KIF17: variants seen among roughly 807,000 people sequenced by gnomAD.
The protein encoded by KIF17 is kinesin family member 17.
Under a neutral mutation model 96.8 loss-of-function variants are expected in KIF17, and 80 were observed. That is an observed-to-expected ratio of 0.83 (90% CI 0.69 to 1.00). KIF17 has a LOEUF of 1.00. Ranked by LOEUF, KIF17 falls within the 50% of genes least tolerant of loss-of-function variation. The probability of loss-of-function intolerance (pLI) is 0.00; values close to 1 mark genes in which losing one functional copy is unlikely to be tolerated. For synonymous variants in KIF17, 567 were observed against 587.5 expected (o/e 0.97, Z 0.51); for missense variants, 1,280 against 1,372.9 (o/e 0.93, Z 1.07).
At chr1:20,669,959 T>C (rs1215242761) in intron 13 of KIF17, among the ~76,000 whole-genome samples, 1 of 85,216 alleles carries the variant, frequency 1.2e-5, no homozygotes, top group Non-Finnish European at 2.3e-5. Context: ...CTATAAAATA[T>C]AGGAGATAGG....
rs1437838319 is a variant in KIF17, at chr1:20,687,777, C to T, written c.1549G>A (p.Val517Ile). ...GGCAGCTCCGCAAACCTGGAGGAAA[C>T]CTGAGTCTTGGAGACATCGTCACTG... is the stretch of plus-strand genomic sequence containing the variant. ...LPSDDVSKTQ[V>I]SSRFAELPKV... Residue 517 changes from valine (V) to isoleucine (I), a missense_variant, in exon 8 of 15, where the codon GTT (valine) becomes ATT (isoleucine). Coordinates refer to ENST00000400463, the MANE Select transcript of KIF17 (RefSeq NM_001122819.3). The surrounding 1 kb of genome is among the most constrained non-coding windows in gnomAD (Gnocchi z 4.4). 3 of 1,614,208 alleles carry T rather than the reference C, an allele frequency of 1.9e-6. No homozygotes were observed. Among genetic ancestry groups the T allele is most frequent in the Non-Finnish European group, 2.5e-6 (3 of 1,180,042 alleles).
intron 1 of KIF17, among the ~76,000 whole-genome samples, chr1:20,715,934 A>G (rs996188193): frequency 3.9e-5 from 6 of 152,236 alleles, no homozygotes; most frequent in African/African-American, 1.4e-4. Flanking sequence ...TTACTGAGGC[A>G]AATTGATAAG....
intron 11 of KIF17, among the ~76,000 whole-genome samples, chr1:20,681,930 C>G (rs1324412075): frequency 2.0e-5 from 3 of 152,192 alleles, no homozygotes; most frequent in Non-Finnish European, 4.4e-5. Flanking sequence ...TTGTGGAAAG[C>G]ACTTCGTAGA....
rs569615073 is a variant in KIF17 at position 20,699,392 on chromosome 1, C to T, written c.1124-904G>A. Among the ~76,000 whole-genome samples, 7 of 151,008 alleles carry T rather than the reference C, an allele frequency of 4.6e-5. No homozygotes were observed. In the South Asian group the frequency reaches 1.0e-3, roughly 22 times the overall value. ...GCCAACAGCCAACATAGTAAAACCC[C>T]GTCTCTACCAAAAAAATACAAAAAT... On this transcript the variant is annotated intron_variant, in intron 5 of 14. Transcript: ENST00000400463. The surrounding 1 kb of genome is among the most constrained non-coding windows in gnomAD (Gnocchi z 4.3).
intron 1 of KIF17, among the ~76,000 whole-genome samples, chr1:20,716,732 GTTCCCAAAGTCA>G (rs1350109066): frequency 2.6e-5 from 4 of 152,298 alleles, no homozygotes; most frequent in Admixed American, 2.0e-4. Flanking sequence ...ACCCGGTGCT[GTTCCCAAAGTCA>G]TTCCCAAAGT....
In KIF17 at chr1:20,672,158, G is replaced by C. The variant is rs780128702; in HGVS notation, c.2502C>G (p.Ser834=). 24 of 1,613,966 alleles carry C rather than the reference G, an allele frequency of 1.5e-5. No homozygotes were observed. In the African/African-American group the frequency reaches 1.6e-4, roughly 11 times the overall value. ...AATCGATCTTCTCCAGCTGAAACTC[G>C]GACTGCAGATCTTTGATCTCCACCT... is the stretch of plus-strand genomic sequence containing the variant. ...AAEVEIKDLQ[S]EFQLEKIDYL... The change falls in exon 12 of 15, where the codon TCC becomes TCG. Residue 834 remains serine, a synonymous_variant. Coordinates refer to ENST00000400463, the MANE Select transcript of KIF17 (RefSeq NM_001122819.3). The surrounding 1 kb of genome is among the most constrained non-coding windows in gnomAD (Gnocchi z 4.3).
chr1:20,712,794 A>AG (rs1282500842), intron 3 of KIF17, among the ~76,000 whole-genome samples: 1 of 63,358 alleles, frequency 1.6e-5, no homozygotes, highest in Non-Finnish European at 3.2e-5. Flanking sequence ...ATCTATATAT[A>AG]AATAGATAAT....
At chr1:20,682,575 A>G in intron 11 of KIF17, 78 bp downstream of exon 11, 1 of 1,217,460 alleles carries the variant, frequency 8.2e-7, no homozygotes, top group Non-Finnish European at 1.2e-6. Flanking sequence ...GCTTCCTACA[A>G]GGTGTAGGGA....
At chr1:20,712,958 TTA>T (rs892933980) in intron 3 of KIF17, among the ~76,000 whole-genome samples, 2 of 134,966 alleles carry the variant, frequency 1.5e-5, no homozygotes, top group East Asian at 4.2e-4. Context: ...ATTATCTATA[TTA>T]TATATATATT....
rs1447249420 is a variant in KIF17, at chr1:20,690,313, CG to C, written c.1255del (p.Arg419GlyfsTer2). On this transcript the variant is annotated frameshift_variant, in exon 7 of 15. Coordinates refer to ENST00000400463, the MANE Select transcript of KIF17 (RefSeq NM_001122819.3). LOFTEE classifies it high-confidence loss of function. The part of the protein sequence containing the change: ...IREEYEERLA[R>X]LKADYKAEQE... ...CTCGGCCTTATAGTCGGCTTTCAGCCGGGCCAGGCGCTCTTCATACTCCTGG... is the reference window on the plus strand; with the variant it reads ...CTCGGCCTTATAGTCGGCTTTCAGCCGGCCAGGCGCTCTTCATACTCCTGG... 4.8e-6 allele frequency: 4 copies of C among 835,384 alleles called. No homozygotes were observed. The African/African-American group carries it at 8.6e-5, about 18-fold the overall frequency. 51.7% of individuals were successfully genotyped at this position (835,384 alleles called of 1,614,324 possible).
In KIF17 at chr1:20,717,837, G is replaced by C; in HGVS notation, c.-131C>G. ...GGCCTTGAGGCAGGGGCGGGGCCGC[G>C]GCGGGGGGCGGGGACCCCTCGGGGG... On this transcript the variant is annotated 5_prime_UTR_variant, in exon 1 of 15. Coordinates refer to ENST00000400463, the MANE Select transcript of KIF17 (RefSeq NM_001122819.3). 1.2e-6 allele frequency: 1 copy of C among 801,936 alleles called. No individual in the cohort carries two copies. The highest frequency in any genetic ancestry group is 1.6e-6 in the Non-Finnish European group (1 of 644,118). 49.7% of individuals were successfully genotyped at this position (801,936 alleles called of 1,614,324 possible). A position where few individuals can be genotyped will look rare whatever the true frequency, so the allele number is the denominator to read the frequency against.
intron 11 of KIF17, among the ~76,000 whole-genome samples, chr1:20,674,208 T>A (rs1222135145): frequency 6.6e-6 from 1 of 152,104 alleles, no homozygotes; most frequent in East Asian, 1.9e-4. Flanking sequence ...GGATTACAGG[T>A]GTGAGCCACT....
Position 20,687,507 on chromosome 1 carries a change from G to C in KIF17, c.1819C>G (p.Gln607Glu), listed in dbSNP as rs754352442. ...GGGTCCTGCAGGCCTAGTAACCCCT[G>C]CAGGGGCACCTCCTGCGGCTCCTCT... ...PQEEPQEVPLQGLLGLQDPFA... is the reference protein window; with the variant it reads ...PQEEPQEVPLEGLLGLQDPFA... Residue 607 changes from glutamine (Q) to glutamate (E), a missense_variant, in exon 8 of 15, where the codon CAG (glutamine) becomes GAG (glutamate). By Grantham distance (29) the Gln-to-Glu change is conservative (BLOSUM62 2). Transcript: ENST00000400463. The surrounding 1 kb of genome is among the most constrained non-coding windows in gnomAD (Gnocchi z 4.4). The C allele has an allele frequency of 1.9e-6, 3 of 1,613,502 alleles. No homozygotes were observed. Among genetic ancestry groups the C allele is most frequent in the Admixed American group, 3.3e-5 (2 of 60,002 alleles).
At chr1:20,667,327 T>C (rs1000971900) in intron 13 of KIF17, among the ~76,000 whole-genome samples, 1 of 152,190 alleles carries the variant, frequency 6.6e-6, no homozygotes, top group African/African-American at 2.4e-5. Flanking sequence ...GAGAATCTAA[T>C]GCCTGAAGAT....
chr1:20,715,482 G>A lies in KIF17; in HGVS notation c.378+11C>T, dbSNP rs746207991. On this transcript the variant is annotated intron_variant, in intron 2 of 14. Coordinates refer to ENST00000400463, the MANE Select transcript of KIF17 (RefSeq NM_001122819.3). ...CTCTGGCCCTGCCCCTTCCCTCTGC[G>A]AGGCCCGTACCTGGACGCTCTCGAA... The A allele has an allele frequency of 2.7e-5, 44 of 1,611,100 alleles. No homozygotes were observed. The highest frequency in any genetic ancestry group is 1.7e-4 in the Middle Eastern group (1 of 5,860).
intron 6 of KIF17, 42 bp downstream of exon 6, chr1:20,698,337 C>G: frequency 6.9e-7 from 1 of 1,443,410 alleles, no homozygotes; most frequent in Non-Finnish European, 9.7e-7. Flanking sequence ...TGGGCCCCAC[C>G]TGCCTGTCCC....
chr1:20,708,400 C>A (rs1415696782), intron 4 of KIF17, among the ~76,000 whole-genome samples: 1 of 152,192 alleles, frequency 6.6e-6, no homozygotes, highest in East Asian at 1.9e-4. Context: ...CTCAACCAAT[C>A]CTCTCACCTC....
rs577777014 is a variant in KIF17 at position 20,709,950 on chromosome 1, C to T, written c.481-122G>A. ...CGCCCTCGCCCTCCTGTAATGCAGG[C>T]TGGCACCTCACATGCCTGTCACAGG... On this transcript the variant is annotated intron_variant, in intron 3 of 14. Coordinates refer to ENST00000400463, the MANE Select transcript of KIF17 (RefSeq NM_001122819.3). The surrounding 1 kb of genome is among the most constrained non-coding windows in gnomAD (Gnocchi z 4.7). 1.2e-3 allele frequency: 1,057 copies of T among 894,634 alleles called. 2 individuals are homozygous for T. Among genetic ancestry groups the T allele is most frequent in the Non-Finnish European group, 1.7e-3 (957 of 561,060 alleles). 55.4% of individuals were successfully genotyped at this position (894,634 alleles called of 1,614,324 possible).
chr1:20,684,425 G>A (rs1017720017), intron 10 of KIF17, among the ~76,000 whole-genome samples: 4 of 152,260 alleles, frequency 2.6e-5, no homozygotes, highest in African/African-American at 9.6e-5. Flanking sequence ...GGCAAGTGAG[G>A]AAAGCCCAGC....
Sources: gnomAD v4.1 joint callset for allele counts (sites outside exome capture counted in the v4.1 genomes callset) on GRCh38, gnomAD v4.1.1 for gene constraint, Gnocchi (gnomAD v3.1) non-coding constraint, MANE v1.5 for transcripts, NCBI Gene and HGNC (gene_info 2026-07-23, HGNC 2026-07-21) for gene names.